The following ADGRL2 variants were observed in gnomAD, a reference collection of about 807,000 sequenced individuals.
ADGRL2 encodes calcium-independent alpha-latrotoxin receptor 2.
Under a neutral mutation model 157.4 loss-of-function variants are expected in ADGRL2, and 44 were observed. That is an observed-to-expected ratio of 0.28 (90% CI 0.22 to 0.36). ADGRL2 has a LOEUF of 0.36. ADGRL2 is among the 10% of genes least tolerant of loss of function. ADGRL2 has a pLI of 1.00. For missense variants in ADGRL2, 1,510 were observed against 1,768.9 expected, an observed-to-expected ratio of 0.85 and a Z score of 2.63; for synonymous variants, 585 against 624.7, an observed-to-expected ratio of 0.94 and a Z score of 0.95.
intron 2 of ADGRL2, among the ~76,000 whole-genome samples, chr1:81,849,538 A>T (rs2092923551): frequency 6.6e-6 from 1 of 151,918 alleles, no homozygotes; most frequent in African/African-American, 2.4e-5. Flanking sequence ...ACTTTTGTTC[A>T]ACTGATTAGA....
At chr1:81,902,893 A>G (rs1376734931) in intron 2 of ADGRL2, among the ~76,000 whole-genome samples, 1 of 152,178 alleles carries the variant, frequency 6.6e-6, no homozygotes, top group Non-Finnish European at 1.5e-5. Context: ...AATTATTTTG[A>G]CAGTACCTCA....
At chr1:81,418,017 G>C (rs2077061649) in intron 1 of ADGRL2, among the ~76,000 whole-genome samples, 1 of 152,148 alleles carries the variant, frequency 6.6e-6, no homozygotes. Flanking sequence ...AGGCAATTGT[G>C]AAATGTTCAG....
At chr1:81,542,490 C>T (rs947072817) in intron 2 of ADGRL2, among the ~76,000 whole-genome samples, 3 of 152,314 alleles carry the variant, frequency 2.0e-5, no homozygotes, top group South Asian at 4.1e-4. Flanking sequence ...AGCCAATGTG[C>T]ATTACTTCAG....
chr1:81,754,092 A>T lies in ADGRL2; in HGVS notation c.-142-7719A>T, dbSNP rs376614997. On this transcript the variant is annotated intron_variant, in intron 1 of 20. Transcript: ENST00000359929. Reference sequence around the variant, plus strand: ...AGCAGGTACTTCCTCCTGATCTGTCATGGTGGTGTGCTGATAGAAACTAAA... The same window carrying T: ...AGCAGGTACTTCCTCCTGATCTGTCTTGGTGGTGTGCTGATAGAAACTAAA... 2.4e-4 allele frequency among the ~76,000 whole-genome samples: 37 copies of T among 152,216 alleles called. No homozygotes were observed. In the East Asian group the frequency reaches 6.0e-3, roughly 25 times the overall value.
At chr1:81,928,990 ATCT>A (rs1363112432) in intron 3 of ADGRL2, among the ~76,000 whole-genome samples, 1 of 152,220 alleles carries the variant, frequency 6.6e-6, no homozygotes, top group Non-Finnish European at 1.5e-5. Context: ...TGATGAAGCA[ATCT>A]TCATCGAAGA....
chr1:81,989,908 G>T (rs1389300415), intron 23 of ADGRL2: 1 of 985,190 alleles, frequency 1.0e-6, no homozygotes, highest in Non-Finnish European at 1.2e-6. Flanking sequence ...AGTTATGTGG[G>T]TTTATGTTGT....
chr1:81,747,201 ATATATATGTATGTG>A, intron 1 of ADGRL2, among the ~76,000 whole-genome samples: 1 of 116,728 alleles, frequency 8.6e-6, no homozygotes, highest in Non-Finnish European at 1.9e-5. Context: ...GTATGCATGT[ATATATATGTATGTG>A]TGTATATATG....
chr1:81,406,776 C>G (rs1172497477), intron 1 of ADGRL2, among the ~76,000 whole-genome samples: 1 of 152,084 alleles, frequency 6.6e-6, no homozygotes, highest in Non-Finnish European at 1.5e-5. Flanking sequence ...ACTCTGCTCC[C>G]CAATCAGCAA....
At chr1:81,356,952 CAAAA>C (rs757239865) in intron 1 of ADGRL2, among the ~76,000 whole-genome samples, 1 of 55,668 alleles carries the variant, frequency 1.8e-5, no homozygotes, top group Non-Finnish European at 3.1e-5. Context: ...GACTCCGTCT[CAAAA>C]AAAAAAAAAA....
At chr1:81,616,162 A>G (rs2081642278) in intron 3 of ADGRL2, among the ~76,000 whole-genome samples, 2 of 152,012 alleles carry the variant, frequency 1.3e-5, no homozygotes, top group Admixed American at 1.3e-4. Flanking sequence ...TGAGGGAACT[A>G]CAAAATCACC....
intron 2 of ADGRL2, among the ~76,000 whole-genome samples, chr1:81,476,232 A>G (rs930405372): frequency 6.6e-6 from 1 of 152,166 alleles, no homozygotes; most frequent in Non-Finnish European, 1.5e-5. Context: ...AGGAAGGAAG[A>G]AAGTACAATC....
intron 1 of ADGRL2, among the ~76,000 whole-genome samples, chr1:81,423,226 C>T (rs974187122): frequency 2.0e-5 from 3 of 152,124 alleles, no homozygotes; most frequent in Admixed American, 2.0e-4. Context: ...TTAAACTTAA[C>T]CCTATGGGAT....
chr1:81,698,374 G>A (rs762550254), upstream of ADGRL2, among the ~76,000 whole-genome samples: 1 of 152,162 alleles, frequency 6.6e-6, no homozygotes, highest in East Asian at 1.9e-4. Flanking sequence ...AAGCCTTCAA[G>A]AGTTTGTAGG....
chr1:81,601,153 T>C (rs536379907), intron 3 of ADGRL2, among the ~76,000 whole-genome samples: 4 of 152,194 alleles, frequency 2.6e-5, no homozygotes, highest in Non-Finnish European at 5.9e-5. Flanking sequence ...CCAAAAAAAA[T>C]AAATCATTAA....
chr1:81,750,104 T>A (rs2085440134), intron 1 of ADGRL2, among the ~76,000 whole-genome samples: 1 of 152,206 alleles, frequency 6.6e-6, no homozygotes, highest in Non-Finnish European at 1.5e-5. Flanking sequence ...AGCATTAGAA[T>A]CTACATAGCA....
chr1:81,390,513 G>T (rs2076523000), intron 1 of ADGRL2, among the ~76,000 whole-genome samples: 1 of 152,428 alleles, frequency 6.6e-6, no homozygotes, highest in South Asian at 2.1e-4. Context: ...AATGATTCAT[G>T]CTTATGACAG....
chr1:81,373,442 A>G (rs556761774), intron 1 of ADGRL2, among the ~76,000 whole-genome samples: 1 of 152,308 alleles, frequency 6.6e-6, no homozygotes, highest in African/African-American at 2.4e-5. Context: ...TAATAACAGG[A>G]TGGATTATGA....
chr1:81,396,337 A>G (rs574643860), intron 1 of ADGRL2, among the ~76,000 whole-genome samples: 1 of 152,198 alleles, frequency 6.6e-6, no homozygotes, highest in African/African-American at 2.4e-5. Flanking sequence ...TGATTTTTGC[A>G]TGTTAATTTT....
intron 1 of ADGRL2, among the ~76,000 whole-genome samples, chr1:81,815,189 C>G (rs1426715343): frequency 1.3e-5 from 2 of 151,730 alleles, no homozygotes; most frequent in African/African-American, 4.8e-5. Context: ...TTTTAGTGCT[C>G]TTTAAATCAG....
Sources: allele counts gnomAD v4.1 joint callset (sites outside exome capture counted in the v4.1 genomes callset), GRCh38; gene constraint gnomAD v4.1.1; transcripts MANE v1.5; gene names NCBI Gene and HGNC (gene_info 2026-07-23, HGNC 2026-07-21).